Variants in PSMD5 observed in about 807,000 individuals in gnomAD.
The protein encoded by PSMD5 is 26S proteasome non-ATPase regulatory subunit 5.
In PSMD5, 40 loss-of-function variants were observed where a neutral mutation model predicts 52.1. That is an observed-to-expected ratio of 0.77 (90% CI 0.60 to 1.00). The LOEUF (loss-of-function observed/expected upper bound fraction) is 1.00. Ranked by LOEUF, PSMD5 falls within the 50% of genes least tolerant of loss-of-function variation. PSMD5 has a pLI of 0.00. For synonymous variants in PSMD5, 211 were observed against 226.6 expected (o/e 0.93, Z 0.62); for missense variants, 575 against 605.2 (o/e 0.95, Z 0.52).
intron 1 of PSMD5, among the ~76,000 whole-genome samples, chr9:120,840,648 C>G (rs568605686): frequency 1.6e-4 from 21 of 135,272 alleles, no homozygotes; most frequent in Non-Finnish European, 3.1e-4. Flanking sequence ...GAGACGGAAT[C>G]TCACTCTGTT....
Position 120,821,464 on chromosome 9 carries a change from C to A in PSMD5, c.1007G>T (p.Gly336Val). 6.4e-7 allele frequency: 1 copy of A among 1,567,878 alleles called. No homozygotes were observed. Among genetic ancestry groups the A allele is most frequent in the South Asian group, 1.2e-5 (1 of 85,950 alleles). Reference protein sequence around the residue: ...VEGKQVLQKTGTRFERLLMRI... With the variant: ...VEGKQVLQKTVTRFERLLMRI... The stretch of plus-strand genomic sequence containing the variant: ...CATAAGCAAGCGTTCAAAGCGAGTT[C>A]CTTTGAAGGATAACAGTGAGATTCT... The change falls in exon 8 of 10, where the codon GGA becomes GTA. Residue 336 changes from glycine (G) to valine (V), a missense_variant and splice_region_variant. Transcript: ENST00000210313.
intron 4 of PSMD5, 123 bp downstream of exon 4, chr9:120,831,208 T>C (rs2045157529): frequency 2.9e-6 from 3 of 1,028,788 alleles, no homozygotes; most frequent in South Asian, 4.5e-5. Flanking sequence ...TGCATCCTTA[T>C]ATTCCCAGCA....
At chr9:120,833,975 CTTTTTTTTT>C (rs34657179) in intron 1 of PSMD5, among the ~76,000 whole-genome samples, 1 of 80,322 alleles carries the variant, frequency 1.2e-5, no homozygotes, top group African/African-American at 5.3e-5. Context: ...CGCACCTGGC[CTTTTTTTTT>C]TTTTTTTTTT....
chr9:120,835,508 T>G (rs924002890), intron 1 of PSMD5, among the ~76,000 whole-genome samples: 3 of 152,106 alleles, frequency 2.0e-5, no homozygotes, highest in Non-Finnish European at 4.4e-5. Context: ...GTGGGTCACC[T>G]GAGGTCAGGA....
At chr9:120,832,803 TTCAC>T (rs1465804475) in intron 2 of PSMD5, among the ~76,000 whole-genome samples, 1 of 152,194 alleles carries the variant, frequency 6.6e-6, no homozygotes, top group East Asian at 1.9e-4. Context: ...GCAGCAGCTC[TTCAC>T]TCAAATAGCA....
At chr9:120,819,605 C>T (rs954024653) in intron 9 of PSMD5, among the ~76,000 whole-genome samples, 33 of 152,170 alleles carry the variant, frequency 2.2e-4, no homozygotes, top group Admixed American at 8.5e-4. Flanking sequence ...GAGGCCGAGG[C>T]GGGCGGATCA....
At chr9:120,818,742 C>T (rs116697156) in intron 9 of PSMD5, among the ~76,000 whole-genome samples, 1,479 of 146,520 alleles carry the variant, frequency 0.01, 20 homozygotes, top group African/African-American at 0.033. Context: ...TTTAAAAAAA[C>T]GTAACATTGA....
At position 120,826,821 on chromosome 9, in the gene PSMD5, A is replaced by C. The variant is rs754798501; in HGVS notation, c.758T>G (p.Ile253Ser). The change falls in exon 6 of 10, where the codon ATT becomes AGT. Residue 253 changes from isoleucine to serine, a missense_variant. Ile to Ser is a moderately radical substitution (Grantham distance 142). Coordinates refer to ENST00000210313, the MANE Select transcript of PSMD5 (RefSeq NM_005047.4). ...ATCTGCCCCAACAATTATATTAGAAATTTGGTCAATTACTCCTTCTTGAGC... is the reference window on the plus strand; with the variant it reads ...ATCTGCCCCAACAATTATATTAGAACTTTGGTCAATTACTCCTTCTTGAGC... ...YLAQEGVIDQ[I>S]SNIIVGADSD... The C allele has an allele frequency of 3.2e-5, 52 of 1,613,538 alleles. 1 individual carries two copies. In the South Asian group the frequency reaches 5.2e-4, roughly 16 times the overall value.
intron 7 of PSMD5, 24 bp from the exon 8 acceptor site, chr9:120,821,488 C>T (rs775284173): frequency 2.7e-6 from 4 of 1,472,142 alleles, no homozygotes; most frequent in Non-Finnish European, 3.7e-6. Flanking sequence ...CAGTGAGATT[C>T]TTCTTTATTA....
rs113275671 is a variant in PSMD5, at chr9:120,830,886, AAT to A, written c.561+443_561+444del. 1.1e-3 allele frequency among the ~76,000 whole-genome samples: 171 copies of A among 149,272 alleles called. 7 individuals carry two copies. In the East Asian group the frequency reaches 0.029, roughly 25 times the overall value. ...ATCATAGTAATTATATTGCACTGTA[AAT>A]ATATATATATATATAAAAAGGGTCT... On this transcript the variant is annotated intron_variant, in intron 4 of 9. Coordinates refer to ENST00000210313, the MANE Select transcript of PSMD5 (RefSeq NM_005047.4).
chr9:120,817,863 GT>G lies in PSMD5; in HGVS notation c.*42del. 5 of 1,561,094 alleles carry G rather than the reference GT, an allele frequency of 3.2e-6. No homozygotes were observed. Among genetic ancestry groups the G allele is most frequent in the Non-Finnish European group, 4.4e-6 (5 of 1,149,218 alleles). On this transcript the variant is annotated 3_prime_UTR_variant, in exon 10 of 10. Transcript: ENST00000210313. The stretch of plus-strand genomic sequence containing the variant: ...GATGGAGTCAAATGCCTTAGGAGAA[GT>G]TTTGGTCAAAACGTGGTCCTCTACA...
At chr9:120,831,188 A>G in intron 4 of PSMD5, 143 bp downstream of exon 4, 1 of 861,414 alleles carries the variant, frequency 1.2e-6, no homozygotes, top group Non-Finnish European at 1.7e-6. Context: ...CTCACATACT[A>G]GGCTGGGAAT....
chr9:120,820,738 C>T, intron 9 of PSMD5, 101 bp downstream of exon 9: 1 of 1,229,758 alleles, frequency 8.1e-7, no homozygotes, highest in Non-Finnish European at 1.1e-6. Flanking sequence ...ATACTATGCA[C>T]TTGTGCATCC....
chr9:120,820,308 G>C (rs542529960), intron 9 of PSMD5, among the ~76,000 whole-genome samples: 2 of 152,286 alleles, frequency 1.3e-5, no homozygotes, highest in South Asian at 4.2e-4. Context: ...ACAAATATTT[G>C]CTGAATAAAT....
At chr9:120,818,966 G>A (rs1363433592) in intron 9 of PSMD5, among the ~76,000 whole-genome samples, 1 of 152,134 alleles carries the variant, frequency 6.6e-6, no homozygotes, top group African/African-American at 2.4e-5. Context: ...AGGGGAATAG[G>A]ACTGGGCAGA....
chr9:120,830,142 C>T (rs767676467), intron 4 of PSMD5, among the ~76,000 whole-genome samples: 4 of 152,030 alleles, frequency 2.6e-5, no homozygotes, highest in Admixed American at 2.0e-4. Context: ...ATATGATGAC[C>T]GAATGGATAT....
At position 120,831,913 on chromosome 9, in the gene PSMD5, A is replaced by G; in HGVS notation, c.351T>C (p.Val117=). The part of the protein sequence containing the change: ...IGRIVENSDA[V]TEILNNAELL... Reference sequence around the variant, plus strand: ...ATTCAGCATTATTTAGAATCTCAGTAACAGCATCAGAATTTTCAACAATTC... The same window carrying G: ...ATTCAGCATTATTTAGAATCTCAGTGACAGCATCAGAATTTTCAACAATTC... The change falls in exon 3 of 10, where the codon GTT becomes GTC. Residue 117 remains valine, a synonymous_variant. Coordinates refer to ENST00000210313, the MANE Select transcript of PSMD5 (RefSeq NM_005047.4). 7 of 1,613,100 alleles carry G rather than the reference A, an allele frequency of 4.3e-6. No homozygotes were observed. The highest frequency in any genetic ancestry group is 5.9e-6 in the Non-Finnish European group (7 of 1,179,818).
chr9:120,831,197 A>G, intron 4 of PSMD5, 134 bp downstream of exon 4: 1 of 918,134 alleles, frequency 1.1e-6, no homozygotes, highest in Non-Finnish European at 1.5e-6. Flanking sequence ...TAGGCTGGGA[A>G]TGCATCCTTA....
chr9:120,832,278 T>A (rs1482636532), intron 2 of PSMD5, among the ~76,000 whole-genome samples: 1 of 152,166 alleles, frequency 6.6e-6, no homozygotes, highest in Non-Finnish European at 1.5e-5. Flanking sequence ...ACACAATATT[T>A]AATTCCAGGA....
Sources: allele counts gnomAD v4.1 joint callset (sites outside exome capture counted in the v4.1 genomes callset), GRCh38; gene constraint gnomAD v4.1.1; transcripts MANE v1.5; gene names NCBI Gene and HGNC (gene_info 2026-07-23, HGNC 2026-07-21).